OSBPL1A: variants seen among roughly 807,000 people sequenced by gnomAD.
The protein encoded by OSBPL1A is oxysterol binding protein like 1A.
OSBPL1A carries 80 observed loss-of-function variants against 137.1 expected under a neutral mutation model. That is an observed-to-expected ratio of 0.58 (90% confidence interval 0.49 to 0.70). The LOEUF is 0.70. Ranked by LOEUF, OSBPL1A falls within the 30% of genes least tolerant of loss-of-function variation. OSBPL1A has a pLI of 0.00. For synonymous variants in OSBPL1A, 365 were observed against 389.7 expected (o/e 0.94, Z 0.75); for missense variants, 970 against 1,129.4 (o/e 0.86, Z 2.02).
chr18:24,226,694 G>A (rs1017023002), intron 16 of OSBPL1A, among the ~76,000 whole-genome samples: 3 of 152,116 alleles, frequency 2.0e-5, no homozygotes, highest in Non-Finnish European at 4.4e-5. Flanking sequence ...TTAGGAGAAC[G>A]ACGGTTGGAC....
At chr18:24,286,199 T>G (rs1242295434) in intron 14 of OSBPL1A, among the ~76,000 whole-genome samples, 1 of 152,092 alleles carries the variant, frequency 6.6e-6, no homozygotes, top group Non-Finnish European at 1.5e-5. Context: ...CAGATTGGAA[T>G]TATATAAATG....
intron 1 of OSBPL1A, among the ~76,000 whole-genome samples, chr18:24,386,445 G>A (rs1906968267): frequency 6.6e-6 from 1 of 152,152 alleles, no homozygotes; most frequent in Non-Finnish European, 1.5e-5. Context: ...ACATGCATCA[G>A]AACTAGTTTA....
chr18:24,361,996 CAAAAAAAAAAAAAA>C lies in OSBPL1A; in HGVS notation c.282+4882_282+4895del, dbSNP rs200189504. ...TGGGTGACAATGGGAGACTCCATCT[CAAAAAAAAAAAAAA>C]AAAAAAAAAGACATAGACAAAAATA... On this transcript the variant is annotated intron_variant, in intron 4 of 27. Transcript: ENST00000319481. Among the ~76,000 whole-genome samples, 8 of 52,192 alleles carry C rather than the reference CAAAAAAAAAAAAAA, an allele frequency of 1.5e-4. No homozygotes were observed. The South Asian group carries it at 4.0e-3, about 26-fold the overall frequency. 34.2% of individuals were successfully genotyped at this position (52,192 alleles called of 152,430 possible). A position where few individuals can be genotyped will look rare whatever the true frequency, so the allele number is the denominator to read the frequency against.
intron 18 of OSBPL1A, among the ~76,000 whole-genome samples, 171 bp from the exon 19 acceptor site, chr18:24,181,450 T>C (rs1448305289): frequency 6.6e-6 from 1 of 152,166 alleles, no homozygotes; most frequent in Admixed American, 6.5e-5. Context: ...CCTAATACCA[T>C]GGAGTATATC....
Position 24,317,315 on chromosome 18 carries a change from CATA to C in OSBPL1A, c.806+9_806+11del. 1 of 1,611,460 alleles carries C rather than the reference CATA, an allele frequency of 6.2e-7. No homozygotes were observed. The highest frequency in any genetic ancestry group is 1.1e-5 in the South Asian group (1 of 91,004). On this transcript the variant is annotated intron_variant, in intron 10 of 27. Coordinates refer to ENST00000319481, the MANE Select transcript of OSBPL1A (RefSeq NM_080597.4). The stretch of plus-strand genomic sequence containing the variant: ...AGTGAAATTTGATAAGTGTAAAGAT[CATA>C]ATACTTACTGTTTCCTATACCATGA...
chr18:24,386,064 T>G (rs1465096892), intron 1 of OSBPL1A, among the ~76,000 whole-genome samples: 1 of 152,094 alleles, frequency 6.6e-6, no homozygotes, highest in Non-Finnish European at 1.5e-5. Flanking sequence ...AGAGCTCCTA[T>G]CTGATGACTG....
chr18:24,201,939 G>T (rs1163188305), intron 17 of OSBPL1A, among the ~76,000 whole-genome samples: 1 of 152,128 alleles, frequency 6.6e-6, no homozygotes, highest in Non-Finnish European at 1.5e-5. Context: ...CTGAAAAAAA[G>T]AACAAGATGA....
At chr18:24,193,297 G>C (rs1408846777) in intron 18 of OSBPL1A, among the ~76,000 whole-genome samples, 1 of 151,996 alleles carries the variant, frequency 6.6e-6, no homozygotes, top group African/African-American at 2.4e-5. Context: ...GACCAGTCTG[G>C]CCAACATGGT....
At position 24,303,674 on chromosome 18, in the gene OSBPL1A, G is replaced by A. The variant is rs758986338; in HGVS notation, c.1137C>T (p.Asn379=). The A allele has an allele frequency of 2.5e-6, 4 of 1,613,548 alleles. No individual in the cohort carries two copies. The highest frequency in any genetic ancestry group is 3.3e-5 in the Admixed American group (2 of 60,000). The stretch of plus-strand genomic sequence containing the variant: ...CACACTCCTTAATCATTTTGAGAAA[G>A]TTGGAAATTTCCCTATCTAGTCGCT... ...CQQRLDREIS[N]FLKMIKECDM... is the part of the protein sequence containing the mutation. The change falls in exon 14 of 28, where the codon AAC becomes AAT. Residue 379 remains asparagine (N), a synonymous_variant. Coordinates refer to ENST00000319481, the MANE Select transcript of OSBPL1A (RefSeq NM_080597.4).
chr18:24,203,603 T>G (rs1010076918), intron 17 of OSBPL1A, among the ~76,000 whole-genome samples: 2 of 152,112 alleles, frequency 1.3e-5, no homozygotes, highest in East Asian at 3.8e-4. Flanking sequence ...ATGTAGTCTT[T>G]CCCCGCTTTG....
At chr18:24,310,197 C>T (rs2090591251) in intron 13 of OSBPL1A, among the ~76,000 whole-genome samples, 1 of 151,778 alleles carries the variant, frequency 6.6e-6, no homozygotes, top group Non-Finnish European at 1.5e-5. Context: ...AAGGCAAAAG[C>T]TTCATGGTTT....
At chr18:24,288,586 G>A (rs2090113929) in intron 14 of OSBPL1A, among the ~76,000 whole-genome samples, 1 of 151,928 alleles carries the variant, frequency 6.6e-6, no homozygotes, top group African/African-American at 2.4e-5. Context: ...TGGCCAACAT[G>A]GTGAAACCCT....
intron 15 of OSBPL1A, among the ~76,000 whole-genome samples, chr18:24,270,821 G>A (rs542249451): frequency 6.6e-6 from 1 of 151,878 alleles, no homozygotes; most frequent in South Asian, 2.1e-4. Context: ...AAAGATTCCT[G>A]CTAAGCAATG....
chr18:24,203,669 A>G (rs2087286750), intron 17 of OSBPL1A, among the ~76,000 whole-genome samples: 1 of 152,014 alleles, frequency 6.6e-6, no homozygotes, highest in African/African-American at 2.4e-5. Flanking sequence ...ACCACCCTAT[A>G]ATCCATGTTA....
chr18:24,280,782 G>T (rs2089940303), intron 15 of OSBPL1A, 60 bp downstream of exon 15: 2 of 1,173,884 alleles, frequency 1.7e-6, no homozygotes, highest in South Asian at 1.9e-5. Context: ...TGACTTCATG[G>T]ACAACCACGC....
chr18:24,344,494 C>T (rs567199836), intron 4 of OSBPL1A, among the ~76,000 whole-genome samples: 3 of 152,098 alleles, frequency 2.0e-5, no homozygotes, highest in Non-Finnish European at 2.9e-5. Flanking sequence ...AGGTTAAACA[C>T]GATGGGTATG....
chr18:24,307,714 C>A (rs2090529574), intron 13 of OSBPL1A, among the ~76,000 whole-genome samples: 1 of 152,178 alleles, frequency 6.6e-6, no homozygotes, highest in Admixed American at 6.5e-5. Context: ...ATGTACCAAT[C>A]TTTATTAGCT....
At chr18:24,191,110 G>A (rs952895380) in intron 18 of OSBPL1A, among the ~76,000 whole-genome samples, 6 of 152,194 alleles carry the variant, frequency 3.9e-5, no homozygotes, top group South Asian at 2.1e-4. Context: ...AATTGAGATC[G>A]GAGAGCTTGG....
chr18:24,254,200 C>T (rs1222498163), intron 15 of OSBPL1A, among the ~76,000 whole-genome samples: 1 of 152,110 alleles, frequency 6.6e-6, no homozygotes, highest in Non-Finnish European at 1.5e-5. Flanking sequence ...ATATATAAAG[C>T]AAATATTATT....
Sources: gnomAD v4.1 joint callset for allele counts (sites outside exome capture counted in the v4.1 genomes callset) on GRCh38, gnomAD v4.1.1 for gene constraint, MANE v1.5 for transcripts, NCBI Gene and HGNC (gene_info 2026-07-23, HGNC 2026-07-21) for gene names.